RB1: variants seen among roughly 807,000 people sequenced by gnomAD.
The protein encoded by RB1 is RB transcriptional corepressor 1.
RB1 carries 18 observed loss-of-function variants against 135.4 expected under a neutral mutation model. The ratio of observed to expected loss-of-function variants is 0.13; its 90% CI spans 0.09 to 0.20. The LOEUF (loss-of-function observed/expected upper bound fraction) is 0.20, where lower values mean the gene tolerates loss of function less well. RB1 is among the 10% of genes least tolerant of loss of function. RB1 has a pLI of 1.00. For missense variants in RB1, 868 were observed against 1,110.0 expected, an observed-to-expected ratio of 0.78 and a Z score of 3.10; for synonymous variants, 365 against 373.2, an observed-to-expected ratio of 0.98 and a Z score of 0.25.
rs182912819 is a variant in RB1, at chr13:48,417,994, C to T, written c.1696-34999C>T. 1.8e-4 allele frequency among the ~76,000 whole-genome samples: 27 copies of T among 152,208 alleles called. No homozygotes were observed. The East Asian group carries it at 2.9e-3, about 16-fold the overall frequency. On this transcript the variant is annotated intron_variant, in intron 17 of 26. Coordinates refer to ENST00000267163, the MANE Select transcript of RB1 (RefSeq NM_000321.3). ...CCAGGAGAATTTCCCCAACCTAGCA[C>T]GACAGGCCAACATTCCAATTCAGGA...
chr13:48,425,168 T>C (rs1023312129), intron 17 of RB1, among the ~76,000 whole-genome samples: 2 of 152,224 alleles, frequency 1.3e-5, no homozygotes, highest in African/African-American at 4.8e-5. Context: ...AAAGAGCTTC[T>C]TGAGGAGATG....
At chr13:48,439,371 A>T (rs4151567) in intron 17 of RB1, among the ~76,000 whole-genome samples, 1 of 152,194 alleles carries the variant, frequency 6.6e-6, no homozygotes, top group Non-Finnish European at 1.5e-5. Context: ...GAATTTTGGT[A>T]GTGAGGTAGT....
chr13:48,324,826 C>T (rs1952271735), intron 2 of RB1, among the ~76,000 whole-genome samples: 1 of 151,164 alleles, frequency 6.6e-6, no homozygotes, highest in Non-Finnish European at 1.5e-5. Flanking sequence ...TACATTGCCA[C>T]AAGCAGTTGT....
intron 2 of RB1, chr13:48,318,388 A>C (rs1952204465): frequency 1.3e-6 from 2 of 1,498,736 alleles, no homozygotes; most frequent in Non-Finnish European, 9.1e-7. Flanking sequence ...TTGGACCTTA[A>C]GTCCTTGATG....
chr13:48,426,004 G>A (rs957998822), intron 17 of RB1, among the ~76,000 whole-genome samples: 1 of 152,144 alleles, frequency 6.6e-6, no homozygotes, highest in Admixed American at 6.5e-5. Context: ...CCTTATACAT[G>A]TTTGTATAAT....
At chr13:48,375,517 A>C (rs893953202) in intron 12 of RB1, among the ~76,000 whole-genome samples, 7 of 150,744 alleles carry the variant, frequency 4.6e-5, no homozygotes, top group African/African-American at 4.8e-5. Context: ...GATATTCTAG[A>C]ATGTGAAAAT....
At chr13:48,407,110 G>A (rs185463770) in intron 17 of RB1, among the ~76,000 whole-genome samples, 10 of 152,240 alleles carry the variant, frequency 6.6e-5, no homozygotes, top group Non-Finnish European at 1.5e-5. Flanking sequence ...TTACCCCATG[G>A]CTATTAACTG....
chr13:48,321,149 TGCGTCCC>T (rs920592718), intron 2 of RB1, among the ~76,000 whole-genome samples: 2 of 152,152 alleles, frequency 1.3e-5, no homozygotes, highest in Non-Finnish European at 2.9e-5. Context: ...TGCCTGCGCT[TGCGTCCC>T]GCGTCCCGCA....
chr13:48,363,948 C>T (rs1952667616), intron 8 of RB1, among the ~76,000 whole-genome samples: 2 of 152,144 alleles, frequency 1.3e-5, no homozygotes, highest in South Asian at 4.1e-4. Flanking sequence ...CAATCACTAA[C>T]ACCAGATAGC....
At chr13:48,440,089 G>A (rs1486401472) in intron 17 of RB1, among the ~76,000 whole-genome samples, 1 of 152,066 alleles carries the variant, frequency 6.6e-6, no homozygotes, top group African/African-American at 2.4e-5. Context: ...TTTCTTACAT[G>A]TAGATATTCT....
At chr13:48,442,329 T>A (rs780576386) in intron 17 of RB1, among the ~76,000 whole-genome samples, 1 of 152,086 alleles carries the variant, frequency 6.6e-6, no homozygotes, top group Non-Finnish European at 1.5e-5. Flanking sequence ...GCCTCCCGAG[T>A]AGCTGGGACT....
chr13:48,459,743 G>A lies in RB1; in HGVS notation c.2016G>A (p.Glu672=), dbSNP rs1555294098. 6.2e-7 allele frequency: 1 copy of A among 1,613,832 alleles called. No homozygotes were observed. Among genetic ancestry groups the A allele is most frequent in the Non-Finnish European group, 8.5e-7 (1 of 1,179,906 alleles). ...CACTTTGTGAACGCCTTCTGTCTGAGCACCCAGAATTAGAACATATCATCT... is the reference window on the plus strand; with the variant it reads ...CACTTTGTGAACGCCTTCTGTCTGAACACCCAGAATTAGAACATATCATCT... ...LNTLCERLLS[E]HPELEHIIWT... is the part of the protein sequence containing the mutation. Residue 672 remains glutamate (E), a synonymous_variant, in exon 20 of 27, where the codon GAG becomes GAA. Transcript: ENST00000267163.
At chr13:48,381,530 C>T in intron 17 of RB1, 87 bp downstream of exon 17, 1 of 1,219,274 alleles carries the variant, frequency 8.2e-7, no homozygotes, top group Non-Finnish European at 1.2e-6. Context: ...TAACATCTAC[C>T]TCAAGAACAT....
In RB1 at chr13:48,440,997, G is replaced by A. The variant is rs118187893; in HGVS notation, c.1696-11996G>A. On this transcript the variant is annotated intron_variant, in intron 17 of 26. Transcript: ENST00000267163. ...CTAAGGATGACCTAGGCCATTGATA[G>A]TCTAAGCTTGAAATTAATCATTAGA... Among the ~76,000 whole-genome samples the A allele has an allele frequency of 3.8e-4, 58 of 152,302 alleles. No individual in the cohort carries two copies. The East Asian group carries it at 0.011, about 28-fold the overall frequency.
chr13:48,336,601 G>A (rs1338384915), intron 2 of RB1, among the ~76,000 whole-genome samples: 4 of 151,832 alleles, frequency 2.6e-5, no homozygotes, highest in South Asian at 2.1e-4. Flanking sequence ...TCTTGCTAGT[G>A]GTCTATCAAT....
Position 48,481,872 on chromosome 13 carries a change from T to C in RB1, c.*1801T>C, listed in dbSNP as rs1949540322. The C allele has an allele frequency of 4.6e-6, 1 of 215,752 alleles. No homozygotes were observed. Among genetic ancestry groups the C allele is most frequent in the Non-Finnish European group, 9.3e-6 (1 of 107,302 alleles). The allele number at this position is 215,752 out of a possible 1,614,324, so 13.4% of individuals were successfully genotyped here. A position where few individuals can be genotyped will look rare whatever the true frequency, so the allele number is the denominator to read the frequency against. ...ATAGTTTGTCTATTTTAAAATAAAT[T>C]AGTTGTTAAGAGTCTTAATGGTCTG... On this transcript the variant is annotated 3_prime_UTR_variant, in exon 27 of 27. Transcript: ENST00000267163.
chr13:48,360,633 C>G (rs1768925810), intron 7 of RB1: 1 of 154,988 alleles, frequency 6.5e-6, no homozygotes. Context: ...TGTATATAAG[C>G]TATAACTCAT....
At chr13:48,448,790 G>A (rs1450848210) in intron 17 of RB1, among the ~76,000 whole-genome samples, 5 of 152,168 alleles carry the variant, frequency 3.3e-5, no homozygotes, top group African/African-American at 1.2e-4. Context: ...GTGGCTACTT[G>A]AAGTCACTTC....
chr13:48,455,304 G>A lies in RB1; in HGVS notation c.1815-900G>A, dbSNP rs1009340905. Among the ~76,000 whole-genome samples, 8 of 152,132 alleles carry A rather than the reference G, an allele frequency of 5.3e-5. 1 individual carries two copies. Among genetic ancestry groups the A allele is most frequent in the African/African-American group, 1.2e-4 (5 of 41,414 alleles). Reference sequence around the variant, plus strand: ...TTTGTTCTTATTAAGTCTGAGATTCGAGTAGTTATATCCGGTAGGTAATTG... The same window carrying A: ...TTTGTTCTTATTAAGTCTGAGATTCAAGTAGTTATATCCGGTAGGTAATTG... On this transcript the variant is annotated intron_variant, in intron 18 of 26. Transcript: ENST00000267163.
Sources: gnomAD v4.1 joint callset for allele counts (sites outside exome capture counted in the v4.1 genomes callset) on GRCh38, gnomAD v4.1.1 for gene constraint, MANE v1.5 for transcripts, NCBI Gene and HGNC (gene_info 2026-07-23, HGNC 2026-07-21) for gene names.